Variants in RBM17 observed in about 807,000 individuals in gnomAD.
RBM17 encodes the protein splicing factor 45.
Under a neutral mutation model 53.2 loss-of-function variants are expected in RBM17, and 7 were observed. That is an observed-to-expected ratio of 0.13 (90% confidence interval 0.07 to 0.25). The LOEUF is 0.25. RBM17 is among the 10% of genes least tolerant of loss of function. The probability of loss-of-function intolerance (pLI) is 1.00; values close to 1 mark genes in which losing one functional copy is unlikely to be tolerated. For synonymous variants in RBM17, 167 were observed against 178.1 expected (o/e 0.94, Z 0.50); for missense variants, 257 against 496.7 (o/e 0.52, Z 4.59).
intron 3 of RBM17, among the ~76,000 whole-genome samples, chr10:6,103,796 C>A (rs1351379150): frequency 1.3e-5 from 2 of 152,148 alleles, no homozygotes; most frequent in African/African-American, 4.8e-5. Flanking sequence ...CGATTTAGGT[C>A]TGTTAATATG....
At chr10:6,102,648 A>T (rs1179817715) in intron 3 of RBM17, among the ~76,000 whole-genome samples, 1 of 152,146 alleles carries the variant, frequency 6.6e-6, no homozygotes, top group Non-Finnish European at 1.5e-5. Flanking sequence ...TTAATGAGTA[A>T]GCCTTTTTCC....
intron 1 of RBM17, among the ~76,000 whole-genome samples, chr10:6,095,730 G>A (rs1024177223): frequency 1.3e-5 from 2 of 152,178 alleles, no homozygotes; most frequent in African/African-American, 4.8e-5. Context: ...GGGAGTTACT[G>A]TACTTAAGAC....
intron 10 of RBM17, chr10:6,114,560 T>A (rs1840887566): frequency 6.2e-6 from 1 of 162,228 alleles, no homozygotes. Flanking sequence ...AAGAAACACA[T>A]AAAATAACTG....
intron 1 of RBM17, among the ~76,000 whole-genome samples, chr10:6,094,336 A>C (rs1454945118): frequency 6.6e-6 from 1 of 152,184 alleles, no homozygotes. Flanking sequence ...TAGGTTTTGA[A>C]GGATTTCAGA....
intron 8 of RBM17, chr10:6,113,213 C>T (rs919683042): frequency 3.9e-6 from 1 of 255,910 alleles, no homozygotes; most frequent in South Asian, 5.3e-5. Flanking sequence ...GGAATTATCA[C>T]TCACATGCCC....
intron 2 of RBM17, among the ~76,000 whole-genome samples, chr10:6,099,470 C>A (rs780606020): frequency 5.3e-5 from 8 of 151,940 alleles, no homozygotes; most frequent in Admixed American, 1.3e-4. Flanking sequence ...GGTTCCAGGA[C>A]CCCCCTGCCC....
At chr10:6,091,516 T>G (rs1456527430) in intron 1 of RBM17, among the ~76,000 whole-genome samples, 1 of 152,228 alleles carries the variant, frequency 6.6e-6, no homozygotes, top group Admixed American at 6.5e-5. Context: ...TGGTAGTTTT[T>G]TTCTCCTTAA....
At chr10:6,100,608 G>A (rs996101614) in intron 2 of RBM17, among the ~76,000 whole-genome samples, 3 of 152,134 alleles carry the variant, frequency 2.0e-5, no homozygotes, top group African/African-American at 7.2e-5. Flanking sequence ...AAGAGGGACT[G>A]TTCTTAATCA....
At position 6,117,323 on chromosome 10, in the gene RBM17, G is replaced by A. The variant is rs1013064392; in HGVS notation, c.*1767G>A. The A allele has an allele frequency of 3.3e-5, 5 of 151,906 alleles. No individual in the cohort carries two copies. The highest frequency in any genetic ancestry group is 2.1e-4 in the South Asian group (1 of 4,820). The allele number at this position is 151,906 out of a possible 1,614,324, so 9.4% of individuals were successfully genotyped here. A position where few individuals can be genotyped will look rare whatever the true frequency, so the allele number is the denominator to read the frequency against. ...TATTTATAATGAATTTCTGATAGTC[G>A]AATAATTTCTAAATCTCCTGCAAGT... On this transcript the variant is annotated 3_prime_UTR_variant, in exon 12 of 12. Coordinates refer to ENST00000379888, the MANE Select transcript of RBM17 (RefSeq NM_032905.5).
chr10:6,093,843 T>G (rs796801180), intron 1 of RBM17, among the ~76,000 whole-genome samples: 12 of 152,356 alleles, frequency 7.9e-5, no homozygotes, highest in African/African-American at 2.6e-4. Flanking sequence ...TCATTTATGC[T>G]TCATATATAC....
Position 6,108,758 on chromosome 10 carries a change from T to G in RBM17, c.562+16T>G. The G allele has an allele frequency of 6.3e-7, 1 of 1,599,026 alleles. No homozygotes were observed. Among genetic ancestry groups the G allele is most frequent in the Non-Finnish European group, 8.6e-7 (1 of 1,167,286 alleles). ...GACAAAGAGTGTAAGTAGATCTGTT[T>G]CTTCCTCTTTTATTCTGATACAGGT... is the stretch of plus-strand genomic sequence containing the variant. On this transcript the variant is annotated intron_variant, in intron 6 of 11. Transcript: ENST00000379888.
rs1409389635 is a variant in RBM17 at position 6,089,524 on chromosome 10, A to T, written c.-19+331A>T. On this transcript the variant is annotated intron_variant, in intron 1 of 11. Coordinates refer to ENST00000379888, the MANE Select transcript of RBM17 (RefSeq NM_032905.5). This position sits in a 1 kb window ranked among gnomAD's most constrained non-coding sequence, Gnocchi z 5.6. ...GTTTCTTCTCCGTCTCGTGCACCGC[A>T]TCCTGACGAAATTGTCTGGTCACCA... 6.5e-6 allele frequency: 1 copy of T among 152,758 alleles called. No homozygotes were observed. The highest frequency in any genetic ancestry group is 1.5e-5 in the Non-Finnish European group (1 of 68,420). 9.5% of individuals were successfully genotyped at this position (152,758 alleles called of 1,614,324 possible). A position where few individuals can be genotyped will look rare whatever the true frequency, so the allele number is the denominator to read the frequency against.
At chr10:6,113,276 C>T in intron 8 of RBM17, 1 of 383,740 alleles carries the variant, frequency 2.6e-6, no homozygotes, top group Admixed American at 4.3e-5. Context: ...ATGGTGGAGG[C>T]TCAAAACATC....
rs1321401144 is a variant in RBM17 at position 6,116,110 on chromosome 10, G to A, written c.*554G>A. 1 of 152,452 alleles carries A rather than the reference G, an allele frequency of 6.6e-6. No individual in the cohort carries two copies. Among genetic ancestry groups the A allele is most frequent in the Non-Finnish European group, 1.5e-5 (1 of 68,146 alleles). 9.4% of individuals were successfully genotyped at this position (152,452 alleles called of 1,614,324 possible). ...ACGTCTTTACAACCTGAATAAGATT[G>A]AAGAATTGTGAACATACCATGGCCT... On this transcript the variant is annotated 3_prime_UTR_variant, in exon 12 of 12. Transcript: ENST00000379888.
chr10:6,113,677 A>G, intron 9 of RBM17, 96 bp downstream of exon 9: 1 of 820,978 alleles, frequency 1.2e-6, no homozygotes, highest in Non-Finnish European at 2.0e-6. Flanking sequence ...ACTGAAAATG[A>G]TACTTTTGCA....
rs1444753307 is a variant in RBM17, at chr10:6,108,593, A to AG, written c.506-87dup. 7.6e-4 allele frequency: 706 copies of AG among 931,528 alleles called. 7 individuals are homozygous for AG. In the African/African-American group the frequency reaches 0.011, roughly 14 times the overall value. 57.7% of individuals were successfully genotyped at this position (931,528 alleles called of 1,614,324 possible). A position where few individuals can be genotyped will look rare whatever the true frequency, so the allele number is the denominator to read the frequency against. Reference sequence around the variant, plus strand: ...GGTCCTCCTTTTTTAGTTTTTTCTTAGGGGGGTGGGTGATAGATATATGGT... The same window carrying AG: ...GGTCCTCCTTTTTTAGTTTTTTCTTAGGGGGGGTGGGTGATAGATATATGGT... On this transcript the variant is annotated intron_variant, in intron 5 of 11. Transcript: ENST00000379888.
chr10:6,108,415 A>C (rs1840787690), intron 5 of RBM17: 1 of 456,020 alleles, frequency 2.2e-6, no homozygotes, highest in Non-Finnish European at 3.9e-6. Context: ...GTTTTGCCTT[A>C]AAATTCATTT....
At chr10:6,104,287 G>A (rs1039181369) in intron 3 of RBM17, among the ~76,000 whole-genome samples, 3 of 152,122 alleles carry the variant, frequency 2.0e-5, no homozygotes, top group South Asian at 2.1e-4. Context: ...TGAATGTATA[G>A]ACGAGAAAAC....
intron 6 of RBM17, 104 bp downstream of exon 6, chr10:6,108,846 C>A (rs546456803): frequency 3.7e-6 from 3 of 815,548 alleles, no homozygotes; most frequent in Non-Finnish European, 5.9e-6. Context: ...TAGAGGGAAA[C>A]GGCCTGCAAG....
Sources: gnomAD v4.1 joint callset for allele counts (sites outside exome capture counted in the v4.1 genomes callset) on GRCh38, gnomAD v4.1.1 for gene constraint, Gnocchi (gnomAD v3.1) non-coding constraint, MANE v1.5 for transcripts, NCBI Gene and HGNC (gene_info 2026-07-23, HGNC 2026-07-21) for gene names.